Variants in UNC5B observed in about 807,000 individuals in gnomAD.
UNC5B encodes netrin receptor UNC5B.
UNC5B carries 56 observed loss-of-function variants against 103.7 expected under a neutral mutation model. The ratio of observed to expected loss-of-function variants is 0.54; its 90% CI spans 0.44 to 0.67. UNC5B has a LOEUF of 0.67. Ranked by LOEUF, UNC5B falls within the 30% of genes least tolerant of loss-of-function variation. The pLI is 0.00. For missense variants in UNC5B, 1,194 were observed against 1,284.5 expected, an observed-to-expected ratio of 0.93 and a Z score of 1.08; for synonymous variants, 577 against 542.0, an observed-to-expected ratio of 1.06 and a Z score of -0.90.
At chr10:71,279,006 T>C (rs1844844930) in intron 1 of UNC5B, among the ~76,000 whole-genome samples, 1 of 152,234 alleles carries the variant, frequency 6.6e-6, no homozygotes, top group Non-Finnish European at 1.5e-5. Flanking sequence ...TGCAGTTCTT[T>C]CCAGGGAGAC....
chr10:71,273,355 G>A (rs1844691641), intron 1 of UNC5B, among the ~76,000 whole-genome samples: 2 of 152,168 alleles, frequency 1.3e-5, no homozygotes, highest in Admixed American at 1.3e-4. Flanking sequence ...TGCTGGGTGA[G>A]GCTTGGAACC....
intron 1 of UNC5B, among the ~76,000 whole-genome samples, chr10:71,235,622 A>T (rs369411210): frequency 7.2e-5 from 11 of 152,298 alleles, no homozygotes; most frequent in Admixed American, 2.0e-4. Flanking sequence ...AGACGGTGGG[A>T]GGACACTTAG....
At chr10:71,266,164 G>C (rs1322493394) in intron 1 of UNC5B, among the ~76,000 whole-genome samples, 4 of 152,136 alleles carry the variant, frequency 2.6e-5, no homozygotes, top group Non-Finnish European at 5.9e-5. Context: ...CATGTACCAG[G>C]CTCATTTCAT....
chr10:71,272,204 G>A (rs1183193866), intron 1 of UNC5B, among the ~76,000 whole-genome samples: 2 of 152,188 alleles, frequency 1.3e-5, no homozygotes, highest in African/African-American at 4.8e-5. Context: ...GAATTAGCCG[G>A]TGTCCAGGGG....
chr10:71,270,486 C>T (rs1326242331), intron 1 of UNC5B, among the ~76,000 whole-genome samples: 1 of 152,076 alleles, frequency 6.6e-6, no homozygotes, highest in Non-Finnish European at 1.5e-5. Context: ...CTGTACACCA[C>T]TAGAGGGCAG....
At position 71,274,230 on chromosome 10, in the gene UNC5B, G is replaced by A. The variant is rs370961788; in HGVS notation, c.80-5591G>A. Among the ~76,000 whole-genome samples the A allele has an allele frequency of 4.9e-4, 39 of 79,634 alleles. 1 individual carries two copies. In the Admixed American group the frequency reaches 5.5e-3, roughly 11 times the overall value. 52.2% of individuals were successfully genotyped at this position (79,634 alleles called of 152,430 possible). ...ACAAAAATTAGCCAGTTGTGGTGGC[G>A]GGTGCCTGTAATCCCAGCTACTCAG... On this transcript the variant is annotated intron_variant, in intron 1 of 16. Transcript: ENST00000335350.
chr10:71,214,949 T>C (rs371576903), intron 1 of UNC5B, among the ~76,000 whole-genome samples: 13 of 152,276 alleles, frequency 8.5e-5, no homozygotes, highest in Admixed American at 3.3e-4. Context: ...GTGTTGGAAT[T>C]GTGCTCATTA....
chr10:71,257,248 C>A (rs1195376445), intron 1 of UNC5B, among the ~76,000 whole-genome samples: 3 of 152,246 alleles, frequency 2.0e-5, no homozygotes, highest in Non-Finnish European at 2.9e-5. Context: ...GCATGGCCCA[C>A]CACTCAGCTC....
At chr10:71,247,942 G>A (rs561298135) in intron 1 of UNC5B, among the ~76,000 whole-genome samples, 12 of 152,138 alleles carry the variant, frequency 7.9e-5, no homozygotes, top group Admixed American at 4.6e-4. Flanking sequence ...TGGGAATGCC[G>A]CATCTGCCTT....
In UNC5B at chr10:71,301,994, G is replaced by T. The variant is rs527914646; in HGVS notation, c.*2717G>T. On this transcript the variant is annotated 3_prime_UTR_variant, in exon 17 of 17. Transcript: ENST00000335350. ...GGTGCCATTTCCAGTCTGACTTCCAGAAATGTGCACCATGTCCTAGAGCAC... is the reference window on the plus strand; with the variant it reads ...GGTGCCATTTCCAGTCTGACTTCCATAAATGTGCACCATGTCCTAGAGCAC... The T allele has an allele frequency of 2.0e-5, 3 of 152,380 alleles. No individual in the cohort carries two copies. Among genetic ancestry groups the T allele is most frequent in the African/African-American group, 7.2e-5 (3 of 41,576 alleles). The allele number at this position is 152,380 out of a possible 1,614,324, so 9.4% of individuals were successfully genotyped here.
chr10:71,280,868 A>G (rs1844907843), intron 2 of UNC5B, among the ~76,000 whole-genome samples: 1 of 152,240 alleles, frequency 6.6e-6, no homozygotes, highest in Non-Finnish European at 1.5e-5. Flanking sequence ...GTCACCTGAC[A>G]GAGCCAGCCT....
chr10:71,229,159 C>T (rs1843631731), intron 1 of UNC5B, among the ~76,000 whole-genome samples: 3 of 152,224 alleles, frequency 2.0e-5, no homozygotes, highest in Admixed American at 1.3e-4. Context: ...GATTGATGGA[C>T]GGAACTGGCA....
intron 16 of UNC5B, 41 bp from the exon 17 acceptor site, chr10:71,299,071 T>C (rs913520451): frequency 1.2e-6 from 2 of 1,611,454 alleles, no homozygotes; most frequent in African/African-American, 2.7e-5. Flanking sequence ...GGGGAGGGGC[T>C]AAGTGCTTGG....
At position 71,298,020 on chromosome 10, in the gene UNC5B, A is replaced by G; in HGVS notation, c.2602A>G (p.Asn868Asp). ...IPLSIRQKIC[N>D]SLDAPNSRGN... ...ACTGTCCATCCGCCAGAAGATATGC[A>G]ACAGCCTAGATGCCCCCAACTCACG... The change falls in exon 16 of 17, where the codon AAC becomes GAC. Residue 868 changes from asparagine (N) to aspartate (D), a missense_variant. By Grantham distance (23) the Asn-to-Asp change is conservative. Coordinates refer to ENST00000335350, the MANE Select transcript of UNC5B (RefSeq NM_170744.5). 6.2e-7 allele frequency: 1 copy of G among 1,613,982 alleles called. No homozygotes were observed.
chr10:71,302,544 AG>A lies in UNC5B; in HGVS notation c.*3271del, dbSNP rs1845604354. The A allele has an allele frequency of 6.6e-6, 1 of 152,156 alleles. No homozygotes were observed. The highest frequency in any genetic ancestry group is 1.5e-5 in the Non-Finnish European group (1 of 68,060). 9.4% of individuals were successfully genotyped at this position (152,156 alleles called of 1,614,324 possible). A position where few individuals can be genotyped will look rare whatever the true frequency, so the allele number is the denominator to read the frequency against. ...GGGGTAGGGGTTCTCCTGAGGGTGC[AG>A]GGGATCCTTCTCATCTCCTGGACCC... On this transcript the variant is annotated 3_prime_UTR_variant, in exon 17 of 17. Coordinates refer to ENST00000335350, the MANE Select transcript of UNC5B (RefSeq NM_170744.5).
At chr10:71,268,689 G>A (rs1014527354) in intron 1 of UNC5B, among the ~76,000 whole-genome samples, 8 of 152,192 alleles carry the variant, frequency 5.3e-5, no homozygotes, top group Admixed American at 3.3e-4. Flanking sequence ...TGAGGGAGAC[G>A]GGGGAAATTT....
Position 71,299,214 on chromosome 10 carries a change from T to A in UNC5B, c.2775T>A (p.Ser925Arg), listed in dbSNP as rs752541621. The A allele has an allele frequency of 3.1e-6, 5 of 1,614,126 alleles. No homozygotes were observed. In the East Asian group the frequency reaches 8.9e-5, roughly 29 times the overall value. Residue 925 changes from serine to arginine, a missense_variant, in exon 17 of 17, where the codon AGT (serine) becomes AGA (arginine). By Grantham distance (110) the Ser-to-Arg change is moderately radical. Coordinates refer to ENST00000335350, the MANE Select transcript of UNC5B (RefSeq NM_170744.5). Reference protein sequence around the residue: ...QDDGDLNSLASALEEMGKSEM... With the variant: ...QDDGDLNSLARALEEMGKSEM... ...ATGGGGACCTCAACAGCCTGGCGAG[T>A]GCCTTGGAGGAGATGGGCAAGAGTG...
Position 71,212,920 on chromosome 10 carries a change from C to T in UNC5B, c.-66C>T. The T allele has an allele frequency of 2.5e-6, 3 of 1,200,544 alleles. No individual in the cohort carries two copies. Among genetic ancestry groups the T allele is most frequent in the South Asian group, 3.8e-5 (1 of 26,250 alleles). 74.4% of individuals were successfully genotyped at this position (1,200,544 alleles called of 1,614,324 possible). On this transcript the variant is annotated 5_prime_UTR_variant, in exon 1 of 17. Transcript: ENST00000335350. ...GAGGAGGCGGCGGCGGCGGAGACGGCGGCGGCGAGACTGGGGCCAGGGAGA... is the reference window on the plus strand; with the variant it reads ...GAGGAGGCGGCGGCGGCGGAGACGGTGGCGGCGAGACTGGGGCCAGGGAGA...
At chr10:71,220,072 C>G (rs1843422167) in intron 1 of UNC5B, among the ~76,000 whole-genome samples, 1 of 152,186 alleles carries the variant, frequency 6.6e-6, no homozygotes, top group South Asian at 2.1e-4. Flanking sequence ...AGAACAAACC[C>G]TCTGGCCCCA....
Sources: allele counts gnomAD v4.1 joint callset (sites outside exome capture counted in the v4.1 genomes callset), GRCh38; gene constraint gnomAD v4.1.1; transcripts MANE v1.5; gene names NCBI Gene and HGNC (gene_info 2026-07-23, HGNC 2026-07-21).